DCDC1: variants seen among roughly 807,000 people sequenced by gnomAD.
DCDC1 encodes doublecortin domain containing 1.
In DCDC1, 200 loss-of-function variants were observed where a neutral mutation model predicts 178.3. That is an observed-to-expected ratio of 1.12 (90% CI 1.00 to 1.26). The LOEUF (loss-of-function observed/expected upper bound fraction) is 1.26, where lower values mean the gene tolerates loss of function less well. DCDC1 is among the 50% of genes most tolerant of loss of function. The pLI is 0.00. For missense variants in DCDC1, 1,983 were observed against 1,749.2 expected (o/e 1.13, Z -2.38); for synonymous variants, 690 against 604.8 (o/e 1.14, Z -2.07).
intron 20 of DCDC1, among the ~76,000 whole-genome samples, chr11:31,023,139 T>C (rs1252025271): frequency 1.3e-5 from 2 of 152,110 alleles, no homozygotes; most frequent in Admixed American, 1.3e-4. Flanking sequence ...GGAGGCAATC[T>C]AGTCTTCAGC....
intron 7 of DCDC1, among the ~76,000 whole-genome samples, chr11:31,272,012 A>G (rs1322292376): frequency 1.3e-5 from 2 of 152,048 alleles, no homozygotes; most frequent in African/African-American, 4.8e-5. Context: ...AAATACAAAA[A>G]TTAGCTGGGT....
At chr11:31,326,686 G>C (rs561710905) in intron 3 of DCDC1, among the ~76,000 whole-genome samples, 1 of 152,070 alleles carries the variant, frequency 6.6e-6, no homozygotes, top group Admixed American at 6.6e-5. Flanking sequence ...AAAGCAAAAC[G>C]AATTAGCTGA....
intron 1 of DCDC1, among the ~76,000 whole-genome samples, chr11:31,338,582 T>C (rs1369604920): frequency 6.6e-6 from 1 of 152,212 alleles, no homozygotes; most frequent in African/African-American, 2.4e-5. Flanking sequence ...TGAAGCCTTT[T>C]TTCCATCTAC....
intron 20 of DCDC1, among the ~76,000 whole-genome samples, chr11:31,045,563 A>C (rs1464414789): frequency 1.3e-5 from 2 of 152,146 alleles, no homozygotes; most frequent in African/African-American, 4.8e-5. Flanking sequence ...GCTACGTTGT[A>C]ACTTGCTTTT....
chr11:31,108,572 T>C (rs1351481266), intron 12 of DCDC1, among the ~76,000 whole-genome samples: 2 of 152,196 alleles, frequency 1.3e-5, no homozygotes, highest in East Asian at 3.9e-4. Flanking sequence ...ACCAAAGATT[T>C]AAGGCCTGAT....
At chr11:30,936,182 G>A (rs1002976322) in intron 21 of DCDC1, among the ~76,000 whole-genome samples, 2 of 152,132 alleles carry the variant, frequency 1.3e-5, no homozygotes, top group Non-Finnish European at 2.9e-5. Context: ...GGAGGATATG[G>A]CCAGTATATA....
rs752875609 is a variant in DCDC1 at position 30,863,706 on chromosome 11, C to T, written c.*1667G>A. 1.3e-4 allele frequency: 20 copies of T among 152,198 alleles called. No homozygotes were observed. Among genetic ancestry groups the T allele is most frequent in the Non-Finnish European group, 4.4e-5 (3 of 68,046 alleles). The allele number at this position is 152,198 out of a possible 1,614,324, so 9.4% of individuals were successfully genotyped here. On this transcript the variant is annotated 3_prime_UTR_variant, in exon 39 of 39. Transcript: ENST00000684477. ...CATCTGACGCGTATTTAGAAATCAT[C>T]CATTTGAGAAGTCCAGATTACGTAT...
At chr11:31,255,864 C>T (rs1944387718) in intron 8 of DCDC1, among the ~76,000 whole-genome samples, 1 of 152,076 alleles carries the variant, frequency 6.6e-6, no homozygotes. Flanking sequence ...TTTCTTTGCT[C>T]ATACTTTTGA....
intron 3 of DCDC1, 49 bp downstream of exon 3, chr11:31,328,067 CT>C: frequency 1.3e-6 from 2 of 1,523,954 alleles, no homozygotes; most frequent in East Asian, 2.3e-5. Context: ...TCTATAAACA[CT>C]TTTATCCCCT....
At chr11:31,047,395 A>G (rs1185185333) in intron 20 of DCDC1, among the ~76,000 whole-genome samples, 1 of 152,226 alleles carries the variant, frequency 6.6e-6, no homozygotes, top group Non-Finnish European at 1.5e-5. Context: ...CCAGATATTT[A>G]TAAAAAGGGA....
chr11:31,085,897 T>C (rs1258454303), intron 17 of DCDC1, among the ~76,000 whole-genome samples: 1 of 152,038 alleles, frequency 6.6e-6, no homozygotes, highest in Admixed American at 6.6e-5. Context: ...TAGTTAAAAA[T>C]TTTTAATTTT....
In DCDC1 at chr11:30,888,146, G is replaced by GAAAGAAAGAA. The variant is rs1565030374; in HGVS notation, c.5082+4662_5082+4671dup. ...AGAAAGAAAGAAAGAAAGAAAGAAAGAAAGAAAGAAAGAAAGGGAAAGAAA... is the reference window on the plus strand; with the variant it reads ...AGAAAGAAAGAAAGAAAGAAAGAAAGAAAGAAAGAAAAAGAAAGAAAGAAAGGGAAAGAAA... On this transcript the variant is annotated intron_variant, in intron 36 of 38. Coordinates refer to ENST00000684477, the MANE Select transcript of DCDC1 (RefSeq NM_001387274.1). Among the ~76,000 whole-genome samples, 968 of 138,234 alleles carry GAAAGAAAGAA rather than the reference G, an allele frequency of 7.0e-3. 59 individuals carry two copies. Among genetic ancestry groups the GAAAGAAAGAA allele is most frequent in the Admixed American group, 0.058 (785 of 13,484 alleles). The allele number at this position is 138,234 out of a possible 152,430, so 90.7% of individuals were successfully genotyped here. A position where few individuals can be genotyped will look rare whatever the true frequency, so the allele number is the denominator to read the frequency against.
At chr11:31,135,331 TAA>T (rs1383360963) in intron 10 of DCDC1, among the ~76,000 whole-genome samples, 2 of 152,222 alleles carry the variant, frequency 1.3e-5, no homozygotes, top group African/African-American at 4.8e-5. Context: ...GCTTTAGCCC[TAA>T]AAGTTTTAGA....
intron 9 of DCDC1, among the ~76,000 whole-genome samples, chr11:31,185,783 C>T: frequency 5.3e-5 from 8 of 152,184 alleles, no homozygotes; most frequent in Non-Finnish European, 1.2e-4. Context: ...ATGCAAAAGA[C>T]CAGCTGCTTT....
At chr11:31,111,562 T>C (rs1217297253) in intron 11 of DCDC1, among the ~76,000 whole-genome samples, 1 of 152,114 alleles carries the variant, frequency 6.6e-6, no homozygotes, top group Admixed American at 6.6e-5. Context: ...TAATCCTGAG[T>C]AAAGATACAA....
At chr11:31,358,098 A>G (rs985402377) in intron 1 of DCDC1, among the ~76,000 whole-genome samples, 144 of 150,426 alleles carry the variant, frequency 9.6e-4, no homozygotes, top group Non-Finnish European at 1.6e-3. Context: ...TTTAAAGTTC[A>G]TATGGAACCA....
chr11:30,910,972 T>C (rs1251584601), intron 28 of DCDC1, among the ~76,000 whole-genome samples: 1 of 152,166 alleles, frequency 6.6e-6, no homozygotes, highest in African/African-American at 2.4e-5. Flanking sequence ...TTCCTGATGA[T>C]CAAATTTAGG....
At chr11:30,926,495 A>G (rs1162891838) in intron 22 of DCDC1, among the ~76,000 whole-genome samples, 1 of 152,178 alleles carries the variant, frequency 6.6e-6, no homozygotes, top group African/African-American at 2.4e-5. Context: ...CCTAGACAGC[A>G]AGCTTTAGGA....
At chr11:30,979,812 T>C (rs1398893629) in intron 20 of DCDC1, among the ~76,000 whole-genome samples, 1 of 152,178 alleles carries the variant, frequency 6.6e-6, no homozygotes, top group Non-Finnish European at 1.5e-5. Context: ...ATAAAAGAAG[T>C]CACCCAATAA....
Sources: allele counts gnomAD v4.1 joint callset (sites outside exome capture counted in the v4.1 genomes callset), GRCh38; gene constraint gnomAD v4.1.1; transcripts MANE v1.5; gene names NCBI Gene and HGNC (gene_info 2026-07-23, HGNC 2026-07-21).